MLLT3: variants seen among roughly 807,000 people sequenced by gnomAD.
The protein encoded by MLLT3 is MLLT3 super elongation complex subunit.
Under a neutral mutation model 53.2 loss-of-function variants are expected in MLLT3, and 4 were observed. The observed-to-expected ratio is 0.08, with a 90% CI of 0.04 to 0.17. MLLT3 has a LOEUF of 0.17. MLLT3 is among the 10% of genes least tolerant of loss of function. MLLT3 has a pLI of 1.00. For missense variants in MLLT3, 569 were observed against 684.0 expected, an observed-to-expected ratio of 0.83 and a Z score of 1.87; for synonymous variants, 283 against 230.6, an observed-to-expected ratio of 1.23 and a Z score of -2.06.
intron 2 of MLLT3, among the ~76,000 whole-genome samples, chr9:20,460,926 G>C (rs1186752972): frequency 1.3e-5 from 2 of 152,136 alleles, no homozygotes; most frequent in Non-Finnish European, 2.9e-5. Flanking sequence ...CTAGTTCTGA[G>C]AGCACCACAT....
chr9:20,450,708 C>G (rs970101900), intron 3 of MLLT3, among the ~76,000 whole-genome samples: 3 of 152,228 alleles, frequency 2.0e-5, no homozygotes, highest in African/African-American at 7.2e-5. Flanking sequence ...CTTTCTTACT[C>G]TCCCAATATA....
chr9:20,373,861 CTT>C (rs1180064177), intron 5 of MLLT3, among the ~76,000 whole-genome samples: 1 of 151,854 alleles, frequency 6.6e-6, no homozygotes, highest in Admixed American at 6.6e-5. Flanking sequence ...ATATAGGACA[CTT>C]TATTTACTTC....
chr9:20,550,042 T>C (rs1323035139), intron 2 of MLLT3, among the ~76,000 whole-genome samples: 1 of 152,194 alleles, frequency 6.6e-6, no homozygotes, highest in Non-Finnish European at 1.5e-5. Context: ...GCTTCTAATA[T>C]CATGAACTCC....
intron 4 of MLLT3, among the ~76,000 whole-genome samples, chr9:20,445,073 AGAGT>A (rs1468249389): frequency 6.6e-6 from 1 of 152,000 alleles, no homozygotes; most frequent in Non-Finnish European, 1.5e-5. Context: ...CCTGGGCAAC[AGAGT>A]GAGACTCCAT....
chr9:20,390,900 T>C (rs1822162749), intron 5 of MLLT3, among the ~76,000 whole-genome samples: 2 of 152,176 alleles, frequency 1.3e-5, no homozygotes, highest in Admixed American at 1.3e-4. Context: ...ATCACTTGAA[T>C]CCAGGAGTTC....
chr9:20,585,159 C>G (rs1037091561), intron 2 of MLLT3, among the ~76,000 whole-genome samples: 4 of 152,160 alleles, frequency 2.6e-5, no homozygotes, highest in African/African-American at 9.7e-5. Context: ...AAGGGGCCAA[C>G]TGATTCTGTT....
intron 2 of MLLT3, among the ~76,000 whole-genome samples, chr9:20,548,360 G>C (rs530120808): frequency 1.3e-5 from 2 of 152,174 alleles, no homozygotes; most frequent in Admixed American, 6.5e-5. Context: ...ACTGGTACAG[G>C]CTGAGATTAA....
Position 20,503,364 on chromosome 9 carries a change from G to T in MLLT3, c.194-46578C>A, listed in dbSNP as rs1825296982. Among the ~76,000 whole-genome samples, 3 of 151,656 alleles carry T rather than the reference G, an allele frequency of 2.0e-5. No individual in the cohort carries two copies. The South Asian group carries it at 6.3e-4, about 32-fold the overall frequency. ...AAAGAGACACACAGATCAATGGAATGGAATAGAGGGCCCAGAAATAAATCT... is the reference window on the plus strand; with the variant it reads ...AAAGAGACACACAGATCAATGGAATTGAATAGAGGGCCCAGAAATAAATCT... On this transcript the variant is annotated intron_variant, in intron 2 of 10. Transcript: ENST00000380338.
intron 2 of MLLT3, among the ~76,000 whole-genome samples, chr9:20,536,666 A>G (rs967865111): frequency 5.9e-5 from 9 of 152,186 alleles, no homozygotes; most frequent in Non-Finnish European, 1.0e-4. Context: ...TCAATTTTAA[A>G]TTGGATTACT....
At chr9:20,566,207 G>C (rs1412171432) in intron 2 of MLLT3, among the ~76,000 whole-genome samples, 1 of 150,848 alleles carries the variant, frequency 6.6e-6, no homozygotes, top group Non-Finnish European at 1.5e-5. Flanking sequence ...GGGAGGCTGA[G>C]GCAGGTGGAT....
At chr9:20,376,693 T>A (rs1407784998) in intron 5 of MLLT3, among the ~76,000 whole-genome samples, 1 of 152,178 alleles carries the variant, frequency 6.6e-6, no homozygotes, top group Non-Finnish European at 1.5e-5. Flanking sequence ...GGCTATCATT[T>A]TCTTTCAGCT....
chr9:20,350,358 G>A (rs921972003), intron 10 of MLLT3, among the ~76,000 whole-genome samples: 2 of 152,184 alleles, frequency 1.3e-5, no homozygotes, highest in Non-Finnish European at 2.9e-5. Flanking sequence ...CACTTTGGGA[G>A]GCCAAGGCGG....
chr9:20,381,592 A>G (rs1273373375), intron 5 of MLLT3, among the ~76,000 whole-genome samples: 2 of 151,950 alleles, frequency 1.3e-5, no homozygotes, highest in African/African-American at 2.4e-5. Context: ...CAAGTTAAAA[A>G]TGAAATACAT....
intron 5 of MLLT3, among the ~76,000 whole-genome samples, chr9:20,400,954 G>C (rs1213513270): frequency 6.6e-6 from 1 of 152,042 alleles, no homozygotes; most frequent in Non-Finnish European, 1.5e-5. Flanking sequence ...CCTGAGAAAG[G>C]AAAGAGACAG....
At position 20,353,507 on chromosome 9, in the gene MLLT3, C is replaced by A. The variant is rs778204698; in HGVS notation, c.1575+18G>T. ...CTTGAAGTTTCTGGAAAGGGTTGTG[C>A]TAAAAAGCATTTCTCACCTGCTGCA... On this transcript the variant is annotated intron_variant, in intron 10 of 10. Coordinates refer to ENST00000380338, the MANE Select transcript of MLLT3 (RefSeq NM_004529.4). The A allele has an allele frequency of 4.2e-5, 68 of 1,610,884 alleles. No individual in the cohort carries two copies. The highest frequency in any genetic ancestry group is 3.2e-5 in the Non-Finnish European group (38 of 1,177,136).
chr9:20,455,169 T>C (rs776557910), intron 3 of MLLT3, among the ~76,000 whole-genome samples: 7 of 152,328 alleles, frequency 4.6e-5, no homozygotes, highest in Non-Finnish European at 8.8e-5. Flanking sequence ...CTCGACAAAT[T>C]TGATTTGATG....
intron 2 of MLLT3, among the ~76,000 whole-genome samples, chr9:20,522,460 C>T (rs1392744422): frequency 6.6e-6 from 1 of 152,072 alleles, no homozygotes; most frequent in Non-Finnish European, 1.5e-5. Flanking sequence ...GTAATTATAT[C>T]TTCTCTTAGA....
intron 3 of MLLT3, among the ~76,000 whole-genome samples, chr9:20,451,320 G>A (rs1823833422): frequency 6.6e-6 from 1 of 152,026 alleles, no homozygotes; most frequent in Non-Finnish European, 1.5e-5. Context: ...CTTTTACTAG[G>A]AAAATATATA....
At chr9:20,538,040 A>T (rs1303293768) in intron 2 of MLLT3, among the ~76,000 whole-genome samples, 1 of 152,202 alleles carries the variant, frequency 6.6e-6, no homozygotes, top group East Asian at 1.9e-4. Context: ...GAGAAGATAA[A>T]GTCTCCCATT....
Sources: gnomAD v4.1 joint callset for allele counts (sites outside exome capture counted in the v4.1 genomes callset) on GRCh38, gnomAD v4.1.1 for gene constraint, MANE v1.5 for transcripts, NCBI Gene and HGNC (gene_info 2026-07-23, HGNC 2026-07-21) for gene names.